SLC16A2: variants seen among roughly 807,000 people sequenced by gnomAD.
SLC16A2 encodes solute carrier family 16 member 2, also known as monocarboxylate transporter 8.
In SLC16A2, 3 loss-of-function variants were observed where a neutral mutation model predicts 27.2. The ratio of observed to expected loss-of-function variants is 0.11; its 90% CI spans 0.05 to 0.28. The LOEUF is 0.28. Among genes scored for constraint, SLC16A2 ranks in the 10% least tolerant of loss-of-function variants. The pLI is 1.00. For synonymous variants in SLC16A2, 202 were observed against 187.8 expected (o/e 1.08, Z -0.62); for missense variants, 295 against 458.5 (o/e 0.64, Z 3.26).
chrX:74,440,409 T>TTGTG (rs974371245), intron 1 of SLC16A2, among the ~76,000 whole-genome samples: 1 of 110,453 alleles, frequency 9.1e-6, no homozygotes, highest in African/African-American at 3.3e-5. Context: ...TCTGTTTTGT[T>TTGTG]TGTGTGTGTG....
At chrX:74,514,032 A>G (rs373449681) in intron 1 of SLC16A2, among the ~76,000 whole-genome samples, 5 of 111,906 alleles carry the variant, frequency 4.5e-5, no homozygotes, top group African/African-American at 1.6e-4. Flanking sequence ...TAAAAACTAT[A>G]TTAAGGCACT....
At chrX:74,507,514 G>A (rs1363314933) in intron 1 of SLC16A2, among the ~76,000 whole-genome samples, 2 of 111,752 alleles carry the variant, frequency 1.8e-5, no homozygotes, top group Admixed American at 1.9e-4. Context: ...CAGCAACCCT[G>A]CTACTGAGTA....
intron 1 of SLC16A2, among the ~76,000 whole-genome samples, chrX:74,478,717 G>A (rs1362935686): frequency 9.0e-6 from 1 of 110,885 alleles, no homozygotes; most frequent in Admixed American, 9.6e-5. Context: ...GTCTGTAAAG[G>A]ATTTTATTTC....
intron 1 of SLC16A2, chrX:74,473,531 T>A: frequency 1.5e-6 from 1 of 654,581 alleles, no homozygotes; most frequent in Non-Finnish European, 2.5e-6. Context: ...ACTGCCTCAG[T>A]CGGTCATGAT....
Position 74,511,622 on chromosome X carries a change from C to T in SLC16A2, c.431-9368C>T, listed in dbSNP as rs192967073. On this transcript the variant is annotated intron_variant, in intron 1 of 5. Coordinates refer to ENST00000587091, the MANE Select transcript of SLC16A2 (RefSeq NM_006517.5). ...CAATGCCAGGACAAATATGAAAGTA[C>T]TTTTGGACTTTTAAAATAAAGATTT... is the stretch of plus-strand genomic sequence containing the variant. 4.2e-3 allele frequency among the ~76,000 whole-genome samples: 475 copies of T among 112,232 alleles called. 1 individual carries two copies. The highest frequency in any genetic ancestry group is 9.1e-3 in the Middle Eastern group (2 of 219).
intron 1 of SLC16A2, among the ~76,000 whole-genome samples, chrX:74,515,422 A>T (rs1930302850): frequency 9.0e-6 from 1 of 111,037 alleles, no homozygotes; most frequent in Non-Finnish European, 1.9e-5. Context: ...ATAACAAAAT[A>T]TTTAACATTT....
chrX:74,472,687 C>T, intron 1 of SLC16A2, among the ~76,000 whole-genome samples: 1 of 108,012 alleles, frequency 9.3e-6, no homozygotes, highest in Non-Finnish European at 1.9e-5. Flanking sequence ...TTTAAAAAGA[C>T]ATTTATTCAG....
At chrX:74,457,245 T>A (rs1190793565) in intron 1 of SLC16A2, among the ~76,000 whole-genome samples, 1 of 111,758 alleles carries the variant, frequency 8.9e-6, no homozygotes, top group Non-Finnish European at 1.9e-5. Flanking sequence ...TTGTTACATA[T>A]GTATACATGT....
chrX:74,529,146 A>G, intron 4 of SLC16A2, 67 bp from the exon 5 acceptor site: 1 of 741,567 alleles, frequency 1.3e-6, no homozygotes, highest in Non-Finnish European at 2.1e-6. Context: ...GACTTGAGAA[A>G]GGAGATGTGA....
In SLC16A2 at chrX:74,498,744, T is replaced by C. The variant is rs1310433301; in HGVS notation, c.431-22246T>C. Among the ~76,000 whole-genome samples, 2 of 112,008 alleles carry C rather than the reference T, an allele frequency of 1.8e-5. 1 individual carries two copies. The highest frequency in any genetic ancestry group is 6.5e-5 in the African/African-American group (2 of 30,805). On this transcript the variant is annotated intron_variant, in intron 1 of 5. Transcript: ENST00000587091. ...TATTTTAGCTGCCTGGTCAGTCCCATTGTTCGGGTTTCTGGGTCTTCCTCT... is the reference window on the plus strand; with the variant it reads ...TATTTTAGCTGCCTGGTCAGTCCCACTGTTCGGGTTTCTGGGTCTTCCTCT...
At chrX:74,488,134 T>C (rs1368775264) in intron 1 of SLC16A2, among the ~76,000 whole-genome samples, 5 of 111,830 alleles carry the variant, frequency 4.5e-5, no homozygotes, top group Admixed American at 1.9e-4. Context: ...TCTACCAGTC[T>C]AATAAATATG....
At position 74,529,590 on chromosome X, in the gene SLC16A2, A is replaced by G. The variant is rs1188168642; in HGVS notation, c.1399+149A>G. On this transcript the variant is annotated intron_variant, in intron 5 of 5. Transcript: ENST00000587091. Reference sequence around the variant, plus strand: ...AGAGTGCGTGAAACCCCTTATCACTACTGGTGGAAGAGATTAAACACAGTA... The same window carrying G: ...AGAGTGCGTGAAACCCCTTATCACTGCTGGTGGAAGAGATTAAACACAGTA... 3 of 457,179 alleles carry G rather than the reference A, an allele frequency of 6.6e-6. No homozygotes were observed. In the African/African-American group the frequency reaches 7.4e-5, roughly 11 times the overall value. 37.7% of individuals were successfully genotyped at this position (457,179 alleles called of 1,213,427 possible). A position where few individuals can be genotyped will look rare whatever the true frequency, so the allele number is the denominator to read the frequency against.
intron 1 of SLC16A2, among the ~76,000 whole-genome samples, chrX:74,454,271 T>C (rs988171089): frequency 1.8e-5 from 2 of 111,068 alleles, no homozygotes; most frequent in African/African-American, 6.6e-5. Flanking sequence ...TAAAGACACA[T>C]GCACACGTAT....
rs184581476 is a variant in SLC16A2, at chrX:74,452,556, G to A, written c.430+30489G>A. Among the ~76,000 whole-genome samples the A allele has an allele frequency of 1.7e-3, 185 of 111,533 alleles. 1 individual carries two copies. The highest frequency in any genetic ancestry group is 5.7e-3 in the African/African-American group (174 of 30,717). On this transcript the variant is annotated intron_variant, in intron 1 of 5. Coordinates refer to ENST00000587091, the MANE Select transcript of SLC16A2 (RefSeq NM_006517.5). Reference sequence around the variant, plus strand: ...ACGCAGAGTAGGGATAATTAGTTTTGTGAAATTTGCTTGAGGTATATATAA... The same window carrying A: ...ACGCAGAGTAGGGATAATTAGTTTTATGAAATTTGCTTGAGGTATATATAA...
chrX:74,488,645 G>C (rs1254254657), intron 1 of SLC16A2, among the ~76,000 whole-genome samples: 1 of 110,112 alleles, frequency 9.1e-6, no homozygotes, highest in African/African-American at 3.3e-5. Context: ...ACATTATTAC[G>C]ACTTGCATAG....
Position 74,421,630 on chromosome X carries a change from C to T in SLC16A2, c.-8C>T. 1 of 1,204,469 alleles carries T rather than the reference C, an allele frequency of 8.3e-7. No individual in the cohort carries two copies. The highest frequency in any genetic ancestry group is 1.1e-6 in the Non-Finnish European group (1 of 893,581). On this transcript the variant is annotated 5_prime_UTR_variant, in exon 1 of 6. Transcript: ENST00000587091. Reference sequence around the variant, plus strand: ...TCTGGCCCAAGCAGCCACAGTCCCCCCGCCGCGATGGCGCTGCAAAGCCAG... The same window carrying T: ...TCTGGCCCAAGCAGCCACAGTCCCCTCGCCGCGATGGCGCTGCAAAGCCAG...
chrX:74,464,276 T>G (rs1202076417), intron 1 of SLC16A2, among the ~76,000 whole-genome samples: 2 of 112,553 alleles, frequency 1.8e-5, no homozygotes, highest in Middle Eastern at 4.2e-3. Flanking sequence ...TTTTAAAATT[T>G]AACTAATGAC....
At chrX:74,526,117 C>A (rs986757021) in intron 4 of SLC16A2, among the ~76,000 whole-genome samples, 1 of 112,121 alleles carries the variant, frequency 8.9e-6, no homozygotes, top group African/African-American at 3.2e-5. Context: ...TATATGGAAC[C>A]TATTAGAACA....
intron 1 of SLC16A2, among the ~76,000 whole-genome samples, chrX:74,491,277 T>G (rs1010554689): frequency 2.7e-5 from 3 of 111,882 alleles, no homozygotes; most frequent in African/African-American, 9.7e-5. Flanking sequence ...TCAAATACAT[T>G]TAAGATATAC....
Sources: allele counts gnomAD v4.1 joint callset (sites outside exome capture counted in the v4.1 genomes callset), GRCh38; gene constraint gnomAD v4.1.1; transcripts MANE v1.5; gene names NCBI Gene and HGNC (gene_info 2026-07-23, HGNC 2026-07-21).